PID1: variants seen among roughly 807,000 people sequenced by gnomAD.
PID1 encodes the protein PTB-containing, cubilin and LRP1-interacting protein.
PID1 carries 10 observed loss-of-function variants against 19.1 expected under a neutral mutation model. That is an observed-to-expected ratio of 0.52 (90% CI 0.32 to 0.89). The LOEUF is 0.89. Among genes scored for constraint, PID1 ranks in the 40% least tolerant of loss-of-function variants. The probability of loss-of-function intolerance (pLI) is 0.03; values close to 1 mark genes in which losing one functional copy is unlikely to be tolerated. For missense variants in PID1, 248 were observed against 285.3 expected, an observed-to-expected ratio of 0.87 and a Z score of 0.94; for synonymous variants, 130 against 116.0, an observed-to-expected ratio of 1.12 and a Z score of -0.78.
intron 2 of PID1, among the ~76,000 whole-genome samples, chr2:229,132,878 CTAAATATGCTTTCA>C (rs1173012859): frequency 1.3e-5 from 2 of 152,078 alleles, no homozygotes; most frequent in Non-Finnish European, 2.9e-5. Context: ...TGAGAGAATT[CTAAATATGCTTTCA>C]TAAATACACA....
At chr2:229,266,201 T>C (rs1469677463) in intron 1 of PID1, among the ~76,000 whole-genome samples, 2 of 152,156 alleles carry the variant, frequency 1.3e-5, no homozygotes. Flanking sequence ...TGTGCCTCTG[T>C]AATAATAGCT....
At position 229,099,410 on chromosome 2, in the gene PID1, G is replaced by A. The variant is rs190240332; in HGVS notation, c.177+56408C>T. 5.4e-3 allele frequency among the ~76,000 whole-genome samples: 825 copies of A among 152,280 alleles called. 12 individuals carry two copies. Among genetic ancestry groups the A allele is most frequent in the African/African-American group, 0.019 (804 of 41,560 alleles). On this transcript the variant is annotated intron_variant, in intron 2 of 2. Coordinates refer to ENST00000392055, the MANE Select transcript of PID1 (RefSeq NM_001100818.2). ...TTTGACACAGACCATTTTGAGGCAG[G>A]AAACTCAGTACCAGAAGGCAGGGCA...
intron 2 of PID1, among the ~76,000 whole-genome samples, chr2:229,087,800 T>G (rs1574618478): frequency 6.6e-6 from 1 of 152,158 alleles, no homozygotes; most frequent in African/African-American, 2.4e-5. Context: ...TATATACTTG[T>G]GATACCTGAC....
chr2:229,090,886 T>A (rs1694858530), intron 2 of PID1, among the ~76,000 whole-genome samples: 2 of 152,218 alleles, frequency 1.3e-5, no homozygotes, highest in African/African-American at 4.8e-5. Context: ...AGGGTAGTGA[T>A]GGGAGTAAAA....
intron 1 of PID1, among the ~76,000 whole-genome samples, chr2:229,165,649 A>C (rs1690582091): frequency 6.6e-6 from 1 of 152,164 alleles, no homozygotes; most frequent in African/African-American, 2.4e-5. Context: ...CATGAGGGTT[A>C]ATAAACCAGT....
intron 1 of PID1, among the ~76,000 whole-genome samples, chr2:229,211,303 C>T (rs1041929883): frequency 1.3e-5 from 2 of 151,824 alleles, no homozygotes; most frequent in African/African-American, 2.4e-5. Flanking sequence ...ATCTAATATG[C>T]CTATATCCCT....
In PID1 at chr2:229,087,679, CAT is replaced by C. The variant is rs149554876; in HGVS notation, c.178-61573_178-61572del. Among the ~76,000 whole-genome samples the C allele has an allele frequency of 6.2e-3, 942 of 152,290 alleles. 14 individuals are homozygous for C. Among genetic ancestry groups the C allele is most frequent in the African/African-American group, 0.022 (913 of 41,562 alleles). ...TTCTCCCTTTCTCCTTAAACACACA[CAT>C]GATACAACACACACAAGCTTTAAGA... On this transcript the variant is annotated intron_variant, in intron 2 of 2. Coordinates refer to ENST00000392055, the MANE Select transcript of PID1 (RefSeq NM_001100818.2).
intron 1 of PID1, among the ~76,000 whole-genome samples, chr2:229,174,835 G>C (rs577946310): frequency 1.3e-5 from 2 of 152,184 alleles, no homozygotes; most frequent in Non-Finnish European, 2.9e-5. Context: ...GTCCAATTTG[G>C]CCTCTTGTAG....
At chr2:229,086,079 G>A (rs899867491) in intron 2 of PID1, among the ~76,000 whole-genome samples, 12 of 151,996 alleles carry the variant, frequency 7.9e-5, no homozygotes, top group Admixed American at 6.6e-4. Flanking sequence ...AACTTGTAAT[G>A]AACATGGAAA....
At chr2:229,084,073 C>T (rs187654994) in intron 2 of PID1, among the ~76,000 whole-genome samples, 13 of 152,282 alleles carry the variant, frequency 8.5e-5, no homozygotes, top group Non-Finnish European at 1.0e-4. Context: ...CACTGCCAAT[C>T]GGACCCTTTA....
At chr2:229,170,778 C>G (rs1690696616) in intron 1 of PID1, among the ~76,000 whole-genome samples, 1 of 152,168 alleles carries the variant, frequency 6.6e-6, no homozygotes, top group African/African-American at 2.4e-5. Flanking sequence ...CTGCAAGAAA[C>G]ACAAAGCAAC....
chr2:229,075,954 C>T (rs1278861613), intron 2 of PID1, among the ~76,000 whole-genome samples: 1 of 152,168 alleles, frequency 6.6e-6, no homozygotes, highest in Non-Finnish European at 1.5e-5. Flanking sequence ...CTACTCACCA[C>T]TTTGTCTCTT....
intron 1 of PID1, among the ~76,000 whole-genome samples, chr2:229,255,838 G>T (rs1690276797): frequency 6.6e-6 from 1 of 152,150 alleles, no homozygotes; most frequent in Non-Finnish European, 1.5e-5. Context: ...GTTTACCCAG[G>T]AGACAAGCAA....
At chr2:229,062,153 C>T (rs1054839293) in intron 2 of PID1, among the ~76,000 whole-genome samples, 1 of 151,832 alleles carries the variant, frequency 6.6e-6, no homozygotes, top group African/African-American at 2.4e-5. Context: ...GAGTGGCCAT[C>T]ATTGTTTTAT....
chr2:229,034,340 T>C (rs1693616211), intron 2 of PID1, among the ~76,000 whole-genome samples: 1 of 152,222 alleles, frequency 6.6e-6, no homozygotes, highest in East Asian at 1.9e-4. Flanking sequence ...ATGCTTTATA[T>C]GGATCATTAA....
intron 2 of PID1, among the ~76,000 whole-genome samples, chr2:229,045,298 G>T (rs1225384083): frequency 6.6e-6 from 1 of 152,176 alleles, no homozygotes; most frequent in Non-Finnish European, 1.5e-5. Context: ...TCTTTTGGAT[G>T]TTGGTCTATT....
intron 2 of PID1, among the ~76,000 whole-genome samples, chr2:229,033,036 C>A (rs1450704257): frequency 6.6e-6 from 1 of 152,164 alleles, no homozygotes; most frequent in Non-Finnish European, 1.5e-5. Flanking sequence ...ATTCCCTGCT[C>A]ATCTGTGGCA....
rs146136575 is a variant in PID1 at position 229,163,454 on chromosome 2, C to A, written c.31-7490G>T. 7.4e-4 allele frequency among the ~76,000 whole-genome samples: 112 copies of A among 152,180 alleles called. No individual in the cohort carries two copies. In the East Asian group the frequency reaches 0.02, roughly 28 times the overall value. On this transcript the variant is annotated intron_variant, in intron 1 of 2. Coordinates refer to ENST00000392055, the MANE Select transcript of PID1 (RefSeq NM_001100818.2). ...TATTATTAAGCTAACTGAAAATACT[C>A]ATGTTCACACAGCCATATTTATTCA... is the stretch of plus-strand genomic sequence containing the variant.
At chr2:229,040,349 TA>T (rs899976982) in intron 2 of PID1, among the ~76,000 whole-genome samples, 20 of 142,880 alleles carry the variant, frequency 1.4e-4, no homozygotes, top group Admixed American at 1.2e-3. Flanking sequence ...ACAAACAAAG[TA>T]AAAAAAATTG....
Sources: allele counts gnomAD v4.1 joint callset (sites outside exome capture counted in the v4.1 genomes callset), GRCh38; gene constraint gnomAD v4.1.1; transcripts MANE v1.5; gene names NCBI Gene and HGNC (gene_info 2026-07-23, HGNC 2026-07-21).